ELAVL4: variants seen among roughly 807,000 people sequenced by gnomAD.
ELAVL4 encodes ELAV like RNA binding protein 4.
ELAVL4 carries 1 observed loss-of-function variant against 35.6 expected under a neutral mutation model. That is an observed-to-expected ratio of 0.03 (90% CI 0.01 to 0.13). ELAVL4 has a LOEUF of 0.13. Among genes scored for constraint, ELAVL4 ranks in the 10% least tolerant of loss-of-function variants. The pLI, the probability that ELAVL4 is intolerant of heterozygous loss-of-function variation, is 1.00. For missense variants in ELAVL4, 267 were observed against 464.9 expected, an observed-to-expected ratio of 0.57 and a Z score of 3.91; for synonymous variants, 156 against 171.0, an observed-to-expected ratio of 0.91 and a Z score of 0.69.
At chr1:50,194,550 C>T (rs909773964) in intron 4 of ELAVL4, among the ~76,000 whole-genome samples, 6 of 152,192 alleles carry the variant, frequency 3.9e-5, no homozygotes, top group African/African-American at 1.4e-4. Flanking sequence ...AACTCACCCC[C>T]TGAGAATAGT....
chr1:50,108,067 G>A (rs1265138517), upstream of ELAVL4, among the ~76,000 whole-genome samples: 2 of 152,134 alleles, frequency 1.3e-5, no homozygotes, highest in Non-Finnish European at 2.9e-5. Context: ...TTCTCTAAAG[G>A]GGTAGGAGAA....
chr1:50,083,654 A>G (rs1665107850), intron 1 of ELAVL4, among the ~76,000 whole-genome samples: 1 of 152,182 alleles, frequency 6.6e-6, no homozygotes, highest in Admixed American at 6.5e-5. Context: ...TCCATATTCA[A>G]AAAAGTAAGT....
intron 1 of ELAVL4, among the ~76,000 whole-genome samples, chr1:50,060,187 A>G (rs554068134): frequency 3.2e-4 from 49 of 152,294 alleles, no homozygotes; most frequent in African/African-American, 1.2e-3. Context: ...CCTGTCATAT[A>G]CTGTTCATTA....
intron 6 of ELAVL4, 99 bp from the exon 7 acceptor site, chr1:50,200,752 C>A: frequency 6.5e-7 from 1 of 1,535,054 alleles, no homozygotes; most frequent in South Asian, 1.3e-5. Context: ...TGTAAACACT[C>A]ACTCAGCCCT....
chr1:50,070,779 C>T (rs916287834), intron 1 of ELAVL4, among the ~76,000 whole-genome samples: 3 of 149,564 alleles, frequency 2.0e-5, no homozygotes, highest in Non-Finnish European at 3.0e-5. Context: ...TAAACGGTGA[C>T]GTTTCAGAAG....
intron 6 of ELAVL4, among the ~76,000 whole-genome samples, chr1:50,199,718 G>T (rs537038014): frequency 3.4e-5 from 5 of 148,798 alleles, no homozygotes; most frequent in African/African-American, 1.2e-4. Context: ...AAAAAAAAAA[G>T]AAAGAAAGAA....
intron 1 of ELAVL4, among the ~76,000 whole-genome samples, chr1:50,119,756 C>T (rs1054052199): frequency 6.6e-6 from 1 of 151,888 alleles, no homozygotes; most frequent in Admixed American, 6.6e-5. Context: ...CTGTTCTCAG[C>T]ATAGTTCTGC....
At chr1:50,056,831 C>G (rs1189083618) in intron 1 of ELAVL4, among the ~76,000 whole-genome samples, 1 of 151,422 alleles carries the variant, frequency 6.6e-6, no homozygotes, top group East Asian at 1.9e-4. Flanking sequence ...ACTCAGGAGG[C>G]TGAGGCAGGA....
At position 50,195,488 on chromosome 1, in the gene ELAVL4, A is replaced by G. The variant is rs1643993922; in HGVS notation, c.509-73A>G. ...TTACTCCTCACACAATATCCACAGG[A>G]CCCATCTCTTCCCAAAGATGTTTAC... On this transcript the variant is annotated intron_variant, in intron 4 of 6. Coordinates refer to ENST00000371824, the MANE Select transcript of ELAVL4 (RefSeq NM_001144774.3). 2.6e-6 allele frequency: 4 copies of G among 1,531,910 alleles called. No individual in the cohort carries two copies. In the South Asian group the frequency reaches 4.5e-5, roughly 17 times the overall value. The allele number at this position is 1,531,910 out of a possible 1,614,324, so 94.9% of individuals were successfully genotyped here. A position where few individuals can be genotyped will look rare whatever the true frequency, so the allele number is the denominator to read the frequency against.
At chr1:50,061,755 T>C (rs1226837184) in intron 1 of ELAVL4, among the ~76,000 whole-genome samples, 2 of 152,120 alleles carry the variant, frequency 1.3e-5, no homozygotes, top group Non-Finnish European at 2.9e-5. Flanking sequence ...TTCTGCCCAG[T>C]GTGGGAACTC....
At chr1:50,052,223 A>G (rs1249067376) in intron 1 of ELAVL4, among the ~76,000 whole-genome samples, 1 of 152,216 alleles carries the variant, frequency 6.6e-6, no homozygotes, top group Admixed American at 6.5e-5. Flanking sequence ...GAAACAGGTG[A>G]GATTTTAATT....
intron 2 of ELAVL4, among the ~76,000 whole-genome samples, chr1:50,170,287 C>T (rs774928767): frequency 6.6e-6 from 1 of 152,138 alleles, no homozygotes; most frequent in Non-Finnish European, 1.5e-5. Flanking sequence ...ATATTAGCCC[C>T]ATCTTATAAA....
chr1:50,093,498 T>C (rs1665581381), intron 1 of ELAVL4, among the ~76,000 whole-genome samples: 1 of 152,218 alleles, frequency 6.6e-6, no homozygotes, highest in Non-Finnish European at 1.5e-5. Flanking sequence ...CCATAGTGGC[T>C]ATCAGGTAAA....
At chr1:50,195,982 C>T (rs933438283) in intron 5 of ELAVL4, among the ~76,000 whole-genome samples, 196 bp downstream of exon 5, 2 of 152,212 alleles carry the variant, frequency 1.3e-5, no homozygotes, top group African/African-American at 2.4e-5. Context: ...CTTCTAAGCC[C>T]TCTTCCAATT....
chr1:50,098,830 T>C (rs1301356005), intron 1 of ELAVL4, among the ~76,000 whole-genome samples: 1 of 152,150 alleles, frequency 6.6e-6, no homozygotes, highest in Admixed American at 6.5e-5. Context: ...TTGCCTCTCA[T>C]AGAGAAAGGA....
chr1:50,116,122 T>C (rs1372540665), intron 1 of ELAVL4, among the ~76,000 whole-genome samples: 2 of 152,152 alleles, frequency 1.3e-5, no homozygotes, highest in African/African-American at 4.8e-5. Context: ...GTCCACATCT[T>C]CAGCCTCAGG....
chr1:50,165,346 T>A (rs1677559547), intron 2 of ELAVL4, among the ~76,000 whole-genome samples: 1 of 151,806 alleles, frequency 6.6e-6, no homozygotes, highest in African/African-American at 2.4e-5. Flanking sequence ...AGATCTCTGC[T>A]CTAACATCAT....
intron 3 of ELAVL4, among the ~76,000 whole-genome samples, chr1:50,182,550 G>A (rs529178855): frequency 6.6e-6 from 1 of 152,300 alleles, no homozygotes; most frequent in East Asian, 1.9e-4. Flanking sequence ...TTGGGGTTGG[G>A]GAGATAGGGA....
chr1:50,050,005 G>A (rs923451288), intron 1 of ELAVL4, among the ~76,000 whole-genome samples: 2 of 152,106 alleles, frequency 1.3e-5, no homozygotes, highest in Non-Finnish European at 2.9e-5. Flanking sequence ...AAACTCCTTA[G>A]CATTTGTGTA....
Sources: allele counts gnomAD v4.1 joint callset (sites outside exome capture counted in the v4.1 genomes callset), GRCh38; gene constraint gnomAD v4.1.1; transcripts MANE v1.5; gene names NCBI Gene and HGNC (gene_info 2026-07-23, HGNC 2026-07-21).